The following GAB1 variants were observed in gnomAD, a reference collection of about 807,000 sequenced individuals.
The protein encoded by GAB1 is GRB2-associated-binding protein 1.
Under a neutral mutation model 66.5 loss-of-function variants are expected in GAB1, and 19 were observed. The observed-to-expected ratio is 0.29, with a 90% CI of 0.20 to 0.42. GAB1 has a LOEUF of 0.42. GAB1 is among the 10% of genes least tolerant of loss of function. GAB1 has a pLI of 1.00. For synonymous variants in GAB1, 294 were observed against 301.4 expected (o/e 0.98, Z 0.25); for missense variants, 732 against 858.5 (o/e 0.85, Z 1.84).
At chr4:143,376,663 G>A (rs1157802495) in intron 1 of GAB1, among the ~76,000 whole-genome samples, 1 of 152,226 alleles carries the variant, frequency 6.6e-6, no homozygotes, top group East Asian at 1.9e-4. Context: ...AGGGCATTTT[G>A]TGTCTTACTA....
intron 1 of GAB1, chr4:143,349,903 G>A: frequency 3.2e-6 from 5 of 1,546,230 alleles, no homozygotes; most frequent in Middle Eastern, 1.9e-4. Context: ...AATGGGCAGA[G>A]AGAAGAGATA....
At chr4:143,416,627 A>G (rs1732706286) in intron 2 of GAB1, among the ~76,000 whole-genome samples, 1 of 151,948 alleles carries the variant, frequency 6.6e-6, no homozygotes, top group Non-Finnish European at 1.5e-5. Flanking sequence ...TACAAAAATT[A>G]TCCAGGCATG....
At chr4:143,425,798 G>A (rs898344854) in intron 2 of GAB1, 56 of 796,336 alleles carry the variant, frequency 7.0e-5, no homozygotes, top group Non-Finnish European at 1.2e-4. Flanking sequence ...CTGAAGGCAT[G>A]CAGGTGCCTT....
At chr4:143,349,544 C>T (rs954094440) in intron 1 of GAB1, 14 of 1,511,796 alleles carry the variant, frequency 9.3e-6, no homozygotes, top group Admixed American at 1.8e-5. Context: ...GGTGCGGAGA[C>T]GATGCCAGTG....
intron 1 of GAB1, among the ~76,000 whole-genome samples, chr4:143,338,393 A>C (rs142474579): frequency 1.3e-5 from 2 of 152,372 alleles, no homozygotes; most frequent in African/African-American, 4.8e-5. Context: ...ACCCAGTATT[A>C]GAGCTCAGGT....
At position 143,337,201 on chromosome 4, in the gene GAB1, G is replaced by A. The variant is rs1338997103; in HGVS notation, c.13G>A (p.Glu5Lys). 3.2e-6 allele frequency: 5 copies of A among 1,583,228 alleles called. No individual in the cohort carries two copies. Among genetic ancestry groups the A allele is most frequent in the South Asian group, 1.2e-5 (1 of 86,712 alleles). The change falls in exon 1 of 10, where the codon GAA becomes AAA. Residue 5 changes from glutamate to lysine, a missense_variant. Glu to Lys is a moderately conservative substitution (Grantham distance 56). Transcript: ENST00000262994. MSGG[E>K]VVCSGWLRKS... The stretch of plus-strand genomic sequence containing the variant: ...AGACGCGCGCACCATGAGCGGTGGT[G>A]AAGTGGTCTGCTCCGGATGGCTCCG...
intron 4 of GAB1, 66 bp from the exon 5 acceptor site, chr4:143,439,736 C>A: frequency 9.4e-7 from 1 of 1,060,790 alleles, no homozygotes; most frequent in South Asian, 1.3e-5. Context: ...GATAATAGGT[C>A]ATCCCAATGA....
At chr4:143,426,013 A>G in intron 2 of GAB1, 2 of 624,588 alleles carry the variant, frequency 3.2e-6, no homozygotes, top group East Asian at 2.7e-5. Context: ...TTACAAAAAA[A>G]GAAAAAATTA....
intron 1 of GAB1, among the ~76,000 whole-genome samples, chr4:143,408,674 A>G (rs900664586): frequency 6.6e-6 from 1 of 152,168 alleles, no homozygotes; most frequent in African/African-American, 2.4e-5. Flanking sequence ...TAAAATTTAG[A>G]TTACAACCTA....
intron 6 of GAB1, among the ~76,000 whole-genome samples, chr4:143,447,248 T>G (rs1171634502): frequency 6.6e-6 from 1 of 152,168 alleles, no homozygotes; most frequent in African/African-American, 2.4e-5. Flanking sequence ...AGCTTTGTTC[T>G]TTTGGCTTAG....
At chr4:143,448,226 A>G (rs1405382130) in intron 6 of GAB1, among the ~76,000 whole-genome samples, 1 of 151,936 alleles carries the variant, frequency 6.6e-6, no homozygotes, top group Non-Finnish European at 1.5e-5. Flanking sequence ...ATCAATGTTC[A>G]TCAAGGATAT....
chr4:143,447,756 T>C lies in GAB1; in HGVS notation c.1585+7374T>C, dbSNP rs1251773451. Among the ~76,000 whole-genome samples, 5 of 152,252 alleles carry C rather than the reference T, an allele frequency of 3.3e-5. No individual in the cohort carries two copies. The South Asian group carries it at 6.2e-4, about 19-fold the overall frequency. ...AAACAGGGACAATTTGACTTCCTCT[T>C]TTCCTAATTGAATACCCTTTATTTC... On this transcript the variant is annotated intron_variant, in intron 6 of 9. Coordinates refer to ENST00000262994, the MANE Select transcript of GAB1 (RefSeq NM_002039.4).
At chr4:143,426,260 G>C (rs1733351107) in intron 2 of GAB1, among the ~76,000 whole-genome samples, 1 of 152,200 alleles carries the variant, frequency 6.6e-6, no homozygotes, top group Non-Finnish European at 1.5e-5. Context: ...AGTGCCCCTT[G>C]CCTTAATTTC....
At chr4:143,455,857 G>C (rs1158112324) in intron 6 of GAB1, among the ~76,000 whole-genome samples, 1 of 152,152 alleles carries the variant, frequency 6.6e-6, no homozygotes, top group Admixed American at 6.5e-5. Flanking sequence ...ATAGTATCCA[G>C]CTAAATTTCC....
chr4:143,440,508 C>G, intron 6 of GAB1, 126 bp downstream of exon 6: 1 of 915,550 alleles, frequency 1.1e-6, no homozygotes, highest in Non-Finnish European at 1.6e-6. Context: ...CCATAGCCAT[C>G]AAGTTATTTA....
At chr4:143,464,640 A>G (rs1438662053) in intron 8 of GAB1, among the ~76,000 whole-genome samples, 1 of 152,210 alleles carries the variant, frequency 6.6e-6, no homozygotes, top group Non-Finnish European at 1.5e-5. Context: ...TGTTTACTGA[A>G]TAAACATACT....
chr4:143,356,898 T>G (rs1184801070), intron 1 of GAB1, among the ~76,000 whole-genome samples: 1 of 152,172 alleles, frequency 6.6e-6, no homozygotes, highest in Non-Finnish European at 1.5e-5. Flanking sequence ...TAGAATACTT[T>G]CCATACCCTC....
intron 1 of GAB1, among the ~76,000 whole-genome samples, chr4:143,339,710 G>T (rs1404143808): frequency 1.3e-5 from 2 of 152,190 alleles, no homozygotes; most frequent in African/African-American, 2.4e-5. Context: ...AGCCAACAGT[G>T]CAAAGTGGTA....
intron 1 of GAB1, among the ~76,000 whole-genome samples, chr4:143,348,696 C>A (rs300917): frequency 2.0e-5 from 3 of 152,062 alleles, no homozygotes; most frequent in African/African-American, 2.4e-5. Context: ...GCTGTTCTGC[C>A]GCGCTCTTTT....
Sources: gnomAD v4.1 joint callset for allele counts (sites outside exome capture counted in the v4.1 genomes callset) on GRCh38, gnomAD v4.1.1 for gene constraint, MANE v1.5 for transcripts, NCBI Gene and HGNC (gene_info 2026-07-23, HGNC 2026-07-21) for gene names.